The following SHQ1 variants were observed in gnomAD, a reference collection of about 807,000 sequenced individuals.
SHQ1 encodes the protein protein SHQ1 homolog.
In SHQ1, 49 loss-of-function variants were observed where a neutral mutation model predicts 53.8. The observed-to-expected ratio is 0.91, with a 90% CI of 0.72 to 1.16. SHQ1 has a LOEUF of 1.16. Among genes scored for constraint, SHQ1 ranks in the 50% most tolerant of loss-of-function variants. The pLI, the probability that SHQ1 is intolerant of heterozygous loss-of-function variation, is 0.00. For missense variants in SHQ1, 738 were observed against 683.1 expected, an observed-to-expected ratio of 1.08 and a Z score of -0.90; for synonymous variants, 243 against 251.0, an observed-to-expected ratio of 0.97 and a Z score of 0.30.
chr3:72,769,013 G>C (rs1054019082), intron 10 of SHQ1, among the ~76,000 whole-genome samples: 1 of 152,210 alleles, frequency 6.6e-6, no homozygotes, highest in Non-Finnish European at 1.5e-5. Context: ...GCTCCTGCTT[G>C]AATGGGACCT....
At chr3:72,758,739 T>C (rs1705552817) in intron 10 of SHQ1, among the ~76,000 whole-genome samples, 1 of 151,846 alleles carries the variant, frequency 6.6e-6, no homozygotes, top group Non-Finnish European at 1.5e-5. Context: ...CCGGCTAATT[T>C]TTGTATTTTG....
At chr3:72,796,121 AAAAG>A (rs1009482899) in intron 9 of SHQ1, among the ~76,000 whole-genome samples, 5 of 150,930 alleles carry the variant, frequency 3.3e-5, no homozygotes, top group Non-Finnish European at 2.9e-5. Context: ...AAAAAAAAAA[AAAAG>A]AAAGAGAAAA....
Position 72,763,209 on chromosome 3 carries a change from C to T in SHQ1, c.1182-12373G>A, listed in dbSNP as rs575973598. 3.3e-5 allele frequency among the ~76,000 whole-genome samples: 5 copies of T among 152,270 alleles called. No individual in the cohort carries two copies. The South Asian group carries it at 1.0e-3, about 32-fold the overall frequency. On this transcript the variant is annotated intron_variant, in intron 10 of 10. Coordinates refer to ENST00000325599, the MANE Select transcript of SHQ1 (RefSeq NM_018130.3). Reference sequence around the variant, plus strand: ...GACAGAAGAAATGGGGACTGCAAGTCGCAGGCTGAAGCAGAGCTCTCCAAT... The same window carrying T: ...GACAGAAGAAATGGGGACTGCAAGTTGCAGGCTGAAGCAGAGCTCTCCAAT...
chr3:72,836,936 A>G (rs1323526327), intron 4 of SHQ1, among the ~76,000 whole-genome samples: 2 of 152,232 alleles, frequency 1.3e-5, no homozygotes, highest in Non-Finnish European at 2.9e-5. Flanking sequence ...CCAGAAAGAA[A>G]ATAAAGAACA....
Position 72,824,275 on chromosome 3 carries a change from A to ATT in SHQ1, c.727+148_727+149insAA, listed in dbSNP as rs1233127087. 3.1e-4 allele frequency: 286 copies of ATT among 919,966 alleles called. No homozygotes were observed. The African/African-American group carries it at 4.6e-3, about 15-fold the overall frequency. The allele number at this position is 919,966 out of a possible 1,614,324, so 57.0% of individuals were successfully genotyped here. On this transcript the variant is annotated intron_variant, in intron 6 of 10. Transcript: ENST00000325599. The stretch of plus-strand genomic sequence containing the variant: ...AGCGGCATTTTCCAGTCAGGGGCAA[A>ATT]GAAGTCATTTCCAAAATTAGCAATT...
intron 10 of SHQ1, among the ~76,000 whole-genome samples, chr3:72,763,022 TACACACACACACACACACAC>T (rs35278618): frequency 6.0e-5 from 8 of 132,648 alleles, no homozygotes; most frequent in Non-Finnish European, 1.1e-4. Flanking sequence ...CATCTTGTTT[TACACACACACACACACACAC>T]ACACACACAC....
At chr3:72,844,281 T>C in intron 2 of SHQ1, 78 bp downstream of exon 2, 4 of 1,205,448 alleles carry the variant, frequency 3.3e-6, no homozygotes, top group Admixed American at 1.9e-5. Context: ...AAGGTCCCCA[T>C]GGTATCTTGT....
rs184053800 is a variant in SHQ1, at chr3:72,792,893, T to G, written c.1181+23A>C. 8.1e-5 allele frequency: 129 copies of G among 1,599,650 alleles called. No individual in the cohort carries two copies. The African/African-American group carries it at 1.7e-3, about 21-fold the overall frequency. On this transcript the variant is annotated intron_variant, in intron 10 of 10. Transcript: ENST00000325599. The stretch of plus-strand genomic sequence containing the variant: ...AGCAATGTGAACATCTAAAAATTCG[T>G]AAGTAACTCTATGAAAACTTACTTG...
chr3:72,797,067 G>A (rs1186304046), intron 9 of SHQ1, among the ~76,000 whole-genome samples: 1 of 151,934 alleles, frequency 6.6e-6, no homozygotes, highest in Non-Finnish European at 1.5e-5. Context: ...AGACCAGCCT[G>A]GCCAACATGG....
At chr3:72,763,552 T>C (rs1414929355) in intron 10 of SHQ1, among the ~76,000 whole-genome samples, 1 of 152,174 alleles carries the variant, frequency 6.6e-6, no homozygotes, top group Admixed American at 6.5e-5. Context: ...ATGTCACCTG[T>C]TTTGGAAACA....
chr3:72,837,898 T>C (rs1345195268), intron 4 of SHQ1, among the ~76,000 whole-genome samples: 1 of 152,218 alleles, frequency 6.6e-6, no homozygotes, highest in African/African-American at 2.4e-5. Flanking sequence ...ATAAAACCTA[T>C]CTACCTTAAT....
intron 6 of SHQ1, among the ~76,000 whole-genome samples, chr3:72,823,183 G>A (rs1292793524): frequency 6.7e-6 from 1 of 150,104 alleles, no homozygotes; most frequent in African/African-American, 2.5e-5. Flanking sequence ...ACTATAATGA[G>A]CTTCTGTTAT....
chr3:72,798,598 A>T lies in SHQ1; in HGVS notation c.1061-5562T>A, dbSNP rs1706696961. On this transcript the variant is annotated intron_variant, in intron 9 of 10. Coordinates refer to ENST00000325599, the MANE Select transcript of SHQ1 (RefSeq NM_018130.3). ...GAACAATGTGATTTCCTGTCTGGAC[A>T]GAAGTGGCATCTCAGGTTAATACAT... Among the ~76,000 whole-genome samples, 2 of 152,242 alleles carry T rather than the reference A, an allele frequency of 1.3e-5. 1 individual carries two copies. The highest frequency in any genetic ancestry group is 4.1e-4 in the South Asian group (2 of 4,828).
At chr3:72,730,098 G>T in the SHQ1 span, among the ~76,000 whole-genome samples, 1 of 151,688 alleles carries the variant, frequency 6.6e-6, no homozygotes, top group Non-Finnish European at 1.5e-5. Context: ...AATTACAGGC[G>T]TGAGCCACCG....
Position 72,751,496 on chromosome 3 carries a change from GTGTGTGTGTGTGTA to G in SHQ1, c.1182-674_1182-661del, listed in dbSNP as rs1202539582. Among the ~76,000 whole-genome samples, 31 of 117,156 alleles carry G rather than the reference GTGTGTGTGTGTGTA, an allele frequency of 2.6e-4. 1 individual carries two copies. The South Asian group carries it at 3.7e-3, about 14-fold the overall frequency. The allele number at this position is 117,156 out of a possible 152,430, so 76.9% of individuals were successfully genotyped here. A position where few individuals can be genotyped will look rare whatever the true frequency, so the allele number is the denominator to read the frequency against. ...CACATATGTGTGTGTGTGTGTGTGT[GTGTGTGTGTGTGTA>G]TATATATATATATATATATACATAT... On this transcript the variant is annotated intron_variant, in intron 10 of 10. Coordinates refer to ENST00000325599, the MANE Select transcript of SHQ1 (RefSeq NM_018130.3).
chr3:72,742,359 T>A, the SHQ1 span, among the ~76,000 whole-genome samples: 1 of 148,172 alleles, frequency 6.7e-6, no homozygotes, highest in East Asian at 1.9e-4. Context: ...CTAATCAGAT[T>A]TACATTTGAG....
chr3:72,725,547 C>T, the SHQ1 span, among the ~76,000 whole-genome samples: 1 of 152,196 alleles, frequency 6.6e-6, no homozygotes, highest in East Asian at 1.9e-4. Context: ...TTCACTTCGT[C>T]CTGCTCATTT....
At chr3:72,758,560 A>ATCTTTTT (rs1705545722) in intron 10 of SHQ1, among the ~76,000 whole-genome samples, 1 of 134,134 alleles carries the variant, frequency 7.5e-6, no homozygotes. Context: ...TGAGGCTACT[A>ATCTTTTT]TTTTTTCTTT....
chr3:72,816,290 A>G (rs976233692), intron 7 of SHQ1, among the ~76,000 whole-genome samples: 1 of 152,182 alleles, frequency 6.6e-6, no homozygotes, highest in Admixed American at 6.5e-5. Flanking sequence ...GCGCACACTG[A>G]AAGAAGATTG....
Sources: gnomAD v4.1 joint callset for allele counts (sites outside exome capture counted in the v4.1 genomes callset) on GRCh38, gnomAD v4.1.1 for gene constraint, MANE v1.5 for transcripts, NCBI Gene and HGNC (gene_info 2026-07-23, HGNC 2026-07-21) for gene names.